Variants in GNG7 observed in about 807,000 individuals in gnomAD.
GNG7 encodes the protein guanine nucleotide-binding protein G(I)/G(S)/G(O) subunit gamma-7.
Under a neutral mutation model 4.0 loss-of-function variants are expected in GNG7, and 1 was observed. The ratio of observed to expected loss-of-function variants is 0.25; its 90% CI spans 0.09 to 1.18. The LOEUF is 1.18. GNG7 is among the 50% of genes most tolerant of loss of function. The probability of loss-of-function intolerance (pLI) is 0.50; values close to 1 mark genes in which losing one functional copy is unlikely to be tolerated. For missense variants in GNG7, 86 were observed against 91.9 expected, an observed-to-expected ratio of 0.94 and a Z score of 0.26; for synonymous variants, 34 against 36.9, an observed-to-expected ratio of 0.92 and a Z score of 0.29.
chr19:2,627,324 C>T (rs546885927), intron 2 of GNG7, among the ~76,000 whole-genome samples: 8 of 152,292 alleles, frequency 5.3e-5, no homozygotes, highest in Admixed American at 1.3e-4. Context: ...CCCCAGAGAA[C>T]GATCCACCTC....
intron 2 of GNG7, among the ~76,000 whole-genome samples, chr19:2,579,274 A>G (rs1980432555): frequency 1.3e-5 from 2 of 152,192 alleles, no homozygotes. Context: ...AGCGTAACCC[A>G]GAGTCCAGGC....
intron 1 of GNG7, among the ~76,000 whole-genome samples, chr19:2,677,550 A>T (rs938623655): frequency 1.3e-5 from 2 of 152,108 alleles, no homozygotes; most frequent in African/African-American, 4.8e-5. Flanking sequence ...ACTAGAAAAA[A>T]TTCCCGATGG....
At chr19:2,538,460 CA>C (rs397859757) in intron 3 of GNG7, 45,167 of 178,090 alleles carry the variant, frequency 0.25, 2,320 homozygotes, top group African/African-American at 0.35. Context: ...CCCGTCTCTG[CA>C]AAAAAAAAAA....
chr19:2,692,401 C>T (rs891956721), intron 1 of GNG7, among the ~76,000 whole-genome samples: 10 of 151,326 alleles, frequency 6.6e-5, no homozygotes, highest in Admixed American at 2.0e-4. Flanking sequence ...TTTGGGAGGC[C>T]GAGGTAGGCA....
At chr19:2,686,160 ATTT>A (rs200980036) in intron 1 of GNG7, among the ~76,000 whole-genome samples, 2 of 143,206 alleles carry the variant, frequency 1.4e-5, no homozygotes, top group East Asian at 2.0e-4. Flanking sequence ...CTGTCTCAGC[ATTT>A]TTTTTTTTTT....
intron 3 of GNG7, among the ~76,000 whole-genome samples, chr19:2,548,813 C>T (rs972415323): frequency 2.8e-5 from 4 of 142,120 alleles, no homozygotes; most frequent in Non-Finnish European, 6.2e-5. Context: ...ACAAAACAAA[C>T]AAACAAACAG....
intron 2 of GNG7, among the ~76,000 whole-genome samples, chr19:2,603,596 A>C (rs1422336278): frequency 1.3e-5 from 2 of 152,136 alleles, no homozygotes; most frequent in Admixed American, 1.3e-4. Flanking sequence ...GATCGACCAA[A>C]AACTATGCAG....
At chr19:2,565,511 C>CA (rs147226705) in intron 2 of GNG7, among the ~76,000 whole-genome samples, 15,814 of 116,346 alleles carry the variant, frequency 0.14, 1,239 homozygotes, top group African/African-American at 0.23. Flanking sequence ...GACTCTGTCT[C>CA]AAAAAAAAAA....
intron 3 of GNG7, among the ~76,000 whole-genome samples, chr19:2,551,118 C>T (rs1004602355): frequency 1.3e-5 from 2 of 152,214 alleles, no homozygotes; most frequent in African/African-American, 4.8e-5. Context: ...CTCCGTGCCA[C>T]CTGCCGTCCA....
chr19:2,573,458 T>G (rs1475951043), intron 2 of GNG7, among the ~76,000 whole-genome samples: 1 of 152,192 alleles, frequency 6.6e-6, no homozygotes, highest in Non-Finnish European at 1.5e-5. Flanking sequence ...GTCTGTACCC[T>G]GTCCCCTCAC....
chr19:2,628,013 G>C (rs1426869443), intron 2 of GNG7, among the ~76,000 whole-genome samples: 2 of 152,254 alleles, frequency 1.3e-5, no homozygotes, highest in African/African-American at 4.8e-5. Flanking sequence ...TCACAACACA[G>C]TTGCCATGTG....
chr19:2,513,704 C>T lies in GNG7; in HGVS notation c.*1318G>A, dbSNP rs576214861. On this transcript the variant is annotated 3_prime_UTR_variant, in exon 5 of 5. Transcript: ENST00000382159. ...TTTTGATCTCCGGGACAACGTCTCA[C>T]CTCCCAGAGTCCTTCAGAGTCACTC... 1.4e-3 allele frequency: 391 copies of T among 280,654 alleles called. 1 individual carries two copies. The highest frequency in any genetic ancestry group is 2.0e-3 in the Non-Finnish European group (366 of 185,768). 17.4% of individuals were successfully genotyped at this position (280,654 alleles called of 1,614,324 possible). A position where few individuals can be genotyped will look rare whatever the true frequency, so the allele number is the denominator to read the frequency against.
chr19:2,625,862 C>CA (rs1274301872), intron 2 of GNG7, among the ~76,000 whole-genome samples: 1 of 152,144 alleles, frequency 6.6e-6, no homozygotes, highest in East Asian at 1.9e-4. Flanking sequence ...CACTGATGCT[C>CA]ACCGCAACTC....
intron 3 of GNG7, among the ~76,000 whole-genome samples, chr19:2,545,899 G>A (rs1019997730): frequency 6.6e-6 from 1 of 152,074 alleles, no homozygotes; most frequent in Non-Finnish European, 1.5e-5. Context: ...AGGTTGCGGT[G>A]AGCCAAAATC....
chr19:2,564,888 TAA>T (rs111381080), intron 2 of GNG7, among the ~76,000 whole-genome samples: 9,073 of 132,368 alleles, frequency 0.069, 352 homozygotes, highest in East Asian at 0.18. Flanking sequence ...ATTGGTCATT[TAA>T]AAAAAAAAAA....
intron 3 of GNG7, among the ~76,000 whole-genome samples, chr19:2,542,926 T>C (rs543033228): frequency 9.1e-4 from 137 of 151,146 alleles, no homozygotes; most frequent in Non-Finnish European, 1.5e-3. Context: ...TTTTGTTTTG[T>C]TTTTGAGGCA....
intron 3 of GNG7, among the ~76,000 whole-genome samples, chr19:2,522,254 A>T (rs1163765479): frequency 6.6e-6 from 1 of 152,080 alleles, no homozygotes; most frequent in East Asian, 1.9e-4. Context: ...CCTGCTTCGT[A>T]GGACCCAGTG....
intron 2 of GNG7, among the ~76,000 whole-genome samples, chr19:2,575,738 C>CAGACACGCAGGCACACGCAG (rs201042346): frequency 1.3e-5 from 1 of 79,594 alleles, no homozygotes; most frequent in African/African-American, 9.0e-5. Flanking sequence ...CAGGCACACG[C>CAGACACGCAGGCACACGCAG]ACACGCAGGC....
intron 2 of GNG7, among the ~76,000 whole-genome samples, chr19:2,569,263 T>TTC (rs60299972): frequency 1.2e-3 from 179 of 151,060 alleles, no homozygotes; most frequent in Non-Finnish European, 2.1e-3. Flanking sequence ...ATCATCTCCA[T>TTC]TCTCTCTCTC....
Sources: gnomAD v4.1 joint callset for allele counts (sites outside exome capture counted in the v4.1 genomes callset) on GRCh38, gnomAD v4.1.1 for gene constraint, MANE v1.5 for transcripts, NCBI Gene and HGNC (gene_info 2026-07-23, HGNC 2026-07-21) for gene names.